WWP1: variants seen among roughly 807,000 people sequenced by gnomAD.
The protein encoded by WWP1 is NEDD4-like E3 ubiquitin-protein ligase WWP1.
WWP1 carries 49 observed loss-of-function variants against 130.6 expected under a neutral mutation model. That is an observed-to-expected ratio of 0.38 (90% confidence interval 0.30 to 0.48). The LOEUF (loss-of-function observed/expected upper bound fraction) is 0.48. WWP1 is among the 20% of genes least tolerant of loss of function. The pLI is 0.99. For missense variants in WWP1, 809 were observed against 1,100.6 expected, an observed-to-expected ratio of 0.74 and a Z score of 3.75; for synonymous variants, 332 against 367.8, an observed-to-expected ratio of 0.90 and a Z score of 1.11.
At chr8:86,465,471 CAA>C (rs989116757) in intron 24 of WWP1, among the ~76,000 whole-genome samples, 3 of 151,950 alleles carry the variant, frequency 2.0e-5, no homozygotes, top group Non-Finnish European at 4.4e-5. Flanking sequence ...AAAAAAAATA[CAA>C]AAGTTAGCTG....
intron 5 of WWP1, among the ~76,000 whole-genome samples, chr8:86,382,873 A>G (rs1825060895): frequency 6.6e-6 from 1 of 152,218 alleles, no homozygotes; most frequent in Non-Finnish European, 1.5e-5. Context: ...TTATTTCTGT[A>G]GAGATTCTCT....
chr8:86,463,451 C>A (rs73273124), intron 24 of WWP1, among the ~76,000 whole-genome samples: 19,715 of 151,646 alleles, frequency 0.13, 3,407 homozygotes, highest in African/African-American at 0.4. Flanking sequence ...GGATTATAGG[C>A]GCGCACCACC....
chr8:86,404,178 A>G lies in WWP1; in HGVS notation c.724+1975A>G, dbSNP rs143246965. On this transcript the variant is annotated intron_variant, in intron 8 of 24. Transcript: ENST00000517970. The stretch of plus-strand genomic sequence containing the variant: ...TTGGATTAGGGATGCTAAACTGGCA[A>G]GTAAAATGCACATATTCCAAAATTT... 1.9e-3 allele frequency among the ~76,000 whole-genome samples: 282 copies of G among 152,346 alleles called. 1 individual carries two copies. Among genetic ancestry groups the G allele is most frequent in the Middle Eastern group, 6.8e-3 (2 of 294 alleles).
intron 21 of WWP1, among the ~76,000 whole-genome samples, chr8:86,453,667 G>C (rs1184433254): frequency 6.6e-6 from 1 of 152,076 alleles, no homozygotes; most frequent in Non-Finnish European, 1.5e-5. Flanking sequence ...CATGTAGAAA[G>C]ATTCCAGTTT....
intron 20 of WWP1, among the ~76,000 whole-genome samples, chr8:86,451,214 TAAAAAAAAAAAAAAA>T (rs61141803): frequency 0.18 from 7,721 of 43,554 alleles, 609 homozygotes; most frequent in Non-Finnish European, 0.23. Flanking sequence ...CCTATGTTAT[TAAAAAAAAAAAAAAA>T]AAAAAAAAAA....
intron 5 of WWP1, among the ~76,000 whole-genome samples, chr8:86,397,216 G>C (rs1807727974): frequency 1.3e-5 from 2 of 152,202 alleles, no homozygotes. Flanking sequence ...AATGTTCCAT[G>C]ATTGCAAAAA....
chr8:86,385,635 G>A (rs1825238754), intron 5 of WWP1, among the ~76,000 whole-genome samples: 1 of 152,168 alleles, frequency 6.6e-6, no homozygotes, highest in Admixed American at 6.5e-5. Flanking sequence ...AAAGGACATG[G>A]TTTAGTGATA....
intron 1 of WWP1, among the ~76,000 whole-genome samples, chr8:86,358,458 T>C (rs565018917): frequency 6.7e-6 from 1 of 148,708 alleles, no homozygotes; most frequent in South Asian, 2.1e-4. Flanking sequence ...TGTATCTTCA[T>C]TTAATACACA....
At chr8:86,368,111 A>G (rs72688569) in intron 1 of WWP1, among the ~76,000 whole-genome samples, 8,267 of 152,304 alleles carry the variant, frequency 0.054, 315 homozygotes, top group Non-Finnish European at 0.086. Context: ...TTCTCCCACA[A>G]TAAAAACAAT....
At chr8:86,387,318 T>C (rs979690915) in intron 5 of WWP1, among the ~76,000 whole-genome samples, 4 of 152,074 alleles carry the variant, frequency 2.6e-5, no homozygotes, top group African/African-American at 9.7e-5. Context: ...ATACCAAGAA[T>C]CTTGTGAAAA....
chr8:86,380,602 T>C (rs1824928880), intron 3 of WWP1, 124 bp from the exon 4 acceptor site: 2 of 1,118,916 alleles, frequency 1.8e-6, no homozygotes, highest in African/African-American at 3.2e-5. Flanking sequence ...GTATTGTTTC[T>C]TCATTCTGCC....
intron 1 of WWP1, among the ~76,000 whole-genome samples, chr8:86,365,861 A>T (rs1396782817): frequency 6.6e-6 from 1 of 152,204 alleles, no homozygotes; most frequent in Non-Finnish European, 1.5e-5. Context: ...AGATGTATAC[A>T]TTGAGAACAC....
rs570827089 is a variant in WWP1, at chr8:86,425,254, A to T, written c.1093A>T (p.Thr365Ser). ...WEQRKDPHGR[T>S]YYVDHNTRTT... is the part of the protein sequence containing the mutation. ...ACAAAGAAAAGATCCTCATGGTAGA[A>T]CCTATTATGTGGATCATAATACTCG... Residue 365 changes from threonine to serine, a missense_variant, in exon 10 of 25, where the codon ACC becomes TCC. Thr to Ser is a moderately conservative substitution (Grantham distance 58). Transcript: ENST00000517970. 28 of 1,612,852 alleles carry T rather than the reference A, an allele frequency of 1.7e-5. 2 individuals are homozygous for T. In the South Asian group the frequency reaches 2.0e-4, roughly 11 times the overall value.
chr8:86,376,559 G>T (rs1234228728), intron 3 of WWP1, among the ~76,000 whole-genome samples: 3 of 151,780 alleles, frequency 2.0e-5, no homozygotes, highest in African/African-American at 7.3e-5. Flanking sequence ...ATAAAGTGAG[G>T]CTCTGTCTCA....
At chr8:86,378,088 TAAA>T (rs1281255100) in intron 3 of WWP1, among the ~76,000 whole-genome samples, 1 of 152,130 alleles carries the variant, frequency 6.6e-6, no homozygotes, top group Non-Finnish European at 1.5e-5. Flanking sequence ...TGGTACTTTT[TAAA>T]AAAATATTTT....
chr8:86,377,630 C>T (rs1257712487), intron 3 of WWP1, among the ~76,000 whole-genome samples: 1 of 151,920 alleles, frequency 6.6e-6, no homozygotes, highest in East Asian at 1.9e-4. Flanking sequence ...TGGAAAAAAT[C>T]AAACAGAAAA....
intron 9 of WWP1, among the ~76,000 whole-genome samples, chr8:86,420,850 T>A (rs954219258): frequency 1.3e-5 from 2 of 152,184 alleles, no homozygotes; most frequent in African/African-American, 2.4e-5. Context: ...AAAGCTAAAT[T>A]AAAAATAGTA....
chr8:86,420,662 T>G (rs186537871), intron 9 of WWP1, among the ~76,000 whole-genome samples: 2 of 152,164 alleles, frequency 1.3e-5, no homozygotes, highest in Admixed American at 1.3e-4. Flanking sequence ...ACTGAAACAG[T>G]TGAAAATGTT....
rs112688537 is a variant in WWP1 at position 86,467,154 on chromosome 8, A to G, written c.*261A>G. ...GAGAGACTTTATTAAAAATACATAT[A>G]TATCTATATAAACATATATGATAGT... is the stretch of plus-strand genomic sequence containing the variant. On this transcript the variant is annotated 3_prime_UTR_variant, in exon 25 of 25. Transcript: ENST00000517970. 31 of 303,092 alleles carry G rather than the reference A, an allele frequency of 1.0e-4. No homozygotes were observed. The highest frequency in any genetic ancestry group is 9.9e-4 in the Middle Eastern group (1 of 1,014). The allele number at this position is 303,092 out of a possible 1,614,324, so 18.8% of individuals were successfully genotyped here.
Sources: gnomAD v4.1 joint callset for allele counts (sites outside exome capture counted in the v4.1 genomes callset) on GRCh38, gnomAD v4.1.1 for gene constraint, MANE v1.5 for transcripts, NCBI Gene and HGNC (gene_info 2026-07-23, HGNC 2026-07-21) for gene names.